Variants in GTF2F2 observed in about 807,000 individuals in gnomAD.
GTF2F2 encodes the protein ATP-dependent helicase GTF2F2.
GTF2F2 carries 23 observed loss-of-function variants against 42.2 expected under a neutral mutation model. The ratio of observed to expected loss-of-function variants is 0.55; its 90% confidence interval spans 0.39 to 0.77. The LOEUF (loss-of-function observed/expected upper bound fraction) is 0.77. Among genes scored for constraint, GTF2F2 ranks in the 30% least tolerant of loss-of-function variants. GTF2F2 has a pLI of 0.00. For missense variants in GTF2F2, 261 were observed against 287.2 expected (o/e 0.91, Z 0.66); for synonymous variants, 105 against 100.8 (o/e 1.04, Z -0.25).
At chr13:45,282,315 G>A (rs1394147502) in intron 7 of GTF2F2, among the ~76,000 whole-genome samples, 2 of 152,016 alleles carry the variant, frequency 1.3e-5, no homozygotes, top group Non-Finnish European at 2.9e-5. Context: ...CTTCAGCATT[G>A]GCAAGCAAAG....
intron 5 of GTF2F2, among the ~76,000 whole-genome samples, chr13:45,232,105 T>C (rs1219368393): frequency 6.6e-6 from 1 of 152,210 alleles, no homozygotes. Context: ...GAAATTTTAA[T>C]TTGAAAAAAT....
At chr13:45,277,342 A>T (rs942195329) in intron 7 of GTF2F2, among the ~76,000 whole-genome samples, 1 of 152,168 alleles carries the variant, frequency 6.6e-6, no homozygotes, top group East Asian at 1.9e-4. Context: ...ACTCACAGTC[A>T]TGGTGGAAGC....
intron 4 of GTF2F2, among the ~76,000 whole-genome samples, chr13:45,167,806 C>T (rs1401845865): frequency 6.6e-6 from 1 of 152,052 alleles, no homozygotes; most frequent in East Asian, 1.9e-4. Context: ...GCCTCCCAAA[C>T]CTCCCAAGTG....
At chr13:45,243,221 G>T (rs761444869) in intron 5 of GTF2F2, among the ~76,000 whole-genome samples, 6 of 152,098 alleles carry the variant, frequency 3.9e-5, no homozygotes, top group Non-Finnish European at 8.8e-5. Context: ...CTTTAAATCA[G>T]GGGTTCCTCA....
At chr13:45,243,245 A>G (rs1046443593) in intron 5 of GTF2F2, among the ~76,000 whole-genome samples, 7 of 152,186 alleles carry the variant, frequency 4.6e-5, no homozygotes, top group Non-Finnish European at 8.8e-5. Flanking sequence ...CCTGGGCCGC[A>G]TACTGGTCCG....
intron 5 of GTF2F2, among the ~76,000 whole-genome samples, chr13:45,251,316 T>C (rs1325087601): frequency 2.0e-5 from 3 of 152,192 alleles, no homozygotes; most frequent in African/African-American, 7.2e-5. Flanking sequence ...GAAATTGTTT[T>C]TAATTTCTAT....
chr13:45,185,826 T>A (rs796682743), intron 4 of GTF2F2, among the ~76,000 whole-genome samples: 5 of 152,360 alleles, frequency 3.3e-5, no homozygotes, highest in African/African-American at 1.2e-4. Flanking sequence ...TTAGTAATTA[T>A]TTCCATACAC....
At chr13:45,276,683 C>A (rs1877049557) in intron 7 of GTF2F2, among the ~76,000 whole-genome samples, 1 of 152,162 alleles carries the variant, frequency 6.6e-6, no homozygotes, top group African/African-American at 2.4e-5. Context: ...TCAGGTGATC[C>A]ACCTGCCTCG....
chr13:45,174,584 T>A (rs1422011743), intron 4 of GTF2F2, among the ~76,000 whole-genome samples: 1 of 151,946 alleles, frequency 6.6e-6, no homozygotes, highest in Non-Finnish European at 1.5e-5. Context: ...AGAATGAATA[T>A]GCACCATTTT....
At chr13:45,254,846 A>G (rs1320296738) in intron 6 of GTF2F2, among the ~76,000 whole-genome samples, 1 of 152,160 alleles carries the variant, frequency 6.6e-6, no homozygotes, top group East Asian at 1.9e-4. Context: ...TACCTTTGAT[A>G]CTGAGTTTAG....
intron 6 of GTF2F2, among the ~76,000 whole-genome samples, chr13:45,256,920 A>G (rs2138252475): frequency 6.6e-6 from 1 of 152,300 alleles, no homozygotes; most frequent in Non-Finnish European, 1.5e-5. Flanking sequence ...TTTTCAGAAT[A>G]AAAATTCAAA....
chr13:45,218,091 C>T (rs957137394), intron 5 of GTF2F2, among the ~76,000 whole-genome samples: 4 of 152,146 alleles, frequency 2.6e-5, no homozygotes, highest in African/African-American at 4.8e-5. Context: ...TGAAATTAAA[C>T]CATTTATAGA....
At chr13:45,152,988 TA>T (rs1273916444) in intron 4 of GTF2F2, among the ~76,000 whole-genome samples, 1 of 151,522 alleles carries the variant, frequency 6.6e-6, no homozygotes, top group African/African-American at 2.4e-5. Flanking sequence ...CACCATTGTT[TA>T]AAAAAAGGAA....
chr13:45,140,115 T>A (rs1869847257), intron 2 of GTF2F2, among the ~76,000 whole-genome samples: 1 of 143,782 alleles, frequency 7.0e-6, no homozygotes, highest in African/African-American at 2.5e-5. Flanking sequence ...GCCCAGCTAA[T>A]TTTTTTTTTT....
chr13:45,253,902 G>A (rs766730566), intron 6 of GTF2F2, among the ~76,000 whole-genome samples: 4 of 152,012 alleles, frequency 2.6e-5, no homozygotes, highest in Non-Finnish European at 5.9e-5. Flanking sequence ...AGTGAACCCC[G>A]TCTCTACTAA....
At chr13:45,267,763 G>A (rs1876628166) in intron 7 of GTF2F2, among the ~76,000 whole-genome samples, 2 of 144,632 alleles carry the variant, frequency 1.4e-5, no homozygotes, top group Non-Finnish European at 3.0e-5. Context: ...ATACTGTTTT[G>A]TCATTGTGGG....
chr13:45,191,255 A>ATATATATATATATATATATATG (rs1260872563), intron 4 of GTF2F2, among the ~76,000 whole-genome samples: 1 of 136,528 alleles, frequency 7.3e-6, no homozygotes, highest in African/African-American at 3.0e-5. Flanking sequence ...ATATATATAT[A>ATATATATATATATATATATATG]GCCATAATCT....
At chr13:45,254,820 C>T (rs990408387) in intron 6 of GTF2F2, among the ~76,000 whole-genome samples, 1 of 152,242 alleles carries the variant, frequency 6.6e-6, no homozygotes, top group East Asian at 1.9e-4. Flanking sequence ...TTGTATCCCA[C>T]TTTGTTGTTT....
intron 7 of GTF2F2, among the ~76,000 whole-genome samples, chr13:45,274,298 C>T (rs1593530651): frequency 2.0e-5 from 3 of 148,328 alleles, no homozygotes; most frequent in Admixed American, 1.3e-4. Context: ...CAATTTAAAA[C>T]CTTTTATTTT....
Sources: allele counts gnomAD v4.1 joint callset (sites outside exome capture counted in the v4.1 genomes callset), GRCh38; gene constraint gnomAD v4.1.1; transcripts MANE v1.5; gene names NCBI Gene and HGNC (gene_info 2026-07-23, HGNC 2026-07-21).